The following CDH20 variants were observed in gnomAD, a reference collection of about 807,000 sequenced individuals.
The protein encoded by CDH20 is cadherin-20.
In CDH20, 29 loss-of-function variants were observed where a neutral mutation model predicts 74.2. That is an observed-to-expected ratio of 0.39 (90% confidence interval 0.29 to 0.53). CDH20 has a LOEUF of 0.53. Among genes scored for constraint, CDH20 ranks in the 20% least tolerant of loss-of-function variants. The pLI is 0.69. For synonymous variants in CDH20, 469 were observed against 405.4 expected, an observed-to-expected ratio of 1.16 and a Z score of -1.88; for missense variants, 988 against 1,048.3, an observed-to-expected ratio of 0.94 and a Z score of 0.79.
At chr18:61,526,046 A>G (rs1912390879) in intron 6 of CDH20, among the ~76,000 whole-genome samples, 2 of 144,062 alleles carry the variant, frequency 1.4e-5, no homozygotes, top group Non-Finnish European at 3.0e-5. Flanking sequence ...CTTGGCCTCA[A>G]GCGATTCTCC....
intron 1 of CDH20, among the ~76,000 whole-genome samples, chr18:61,417,654 A>C (rs1167363089): frequency 6.7e-6 from 1 of 149,768 alleles, no homozygotes; most frequent in East Asian, 2.0e-4. Context: ...AGAGGCTGGG[A>C]AGGGTAGTGT....
intron 6 of CDH20, among the ~76,000 whole-genome samples, chr18:61,522,381 G>A (rs1912243260): frequency 6.6e-6 from 1 of 152,102 alleles, no homozygotes; most frequent in South Asian, 2.1e-4. Context: ...CCTCTTCAAG[G>A]AGAACTGCAA....
intron 1 of CDH20, among the ~76,000 whole-genome samples, chr18:61,429,435 T>C (rs1442567295): frequency 2.6e-5 from 4 of 152,168 alleles, no homozygotes; most frequent in African/African-American, 9.7e-5. Flanking sequence ...TTTTCTGACC[T>C]TTCAGCTGTT....
chr18:61,462,864 C>T (rs993992800), intron 1 of CDH20, among the ~76,000 whole-genome samples: 5 of 152,074 alleles, frequency 3.3e-5, no homozygotes, highest in African/African-American at 1.2e-4. Context: ...AAAGGTTCCT[C>T]AGGGGAAGAG....
intron 1 of CDH20, among the ~76,000 whole-genome samples, chr18:61,385,723 G>C (rs140705315): frequency 1.3e-3 from 195 of 152,148 alleles, no homozygotes; most frequent in African/African-American, 4.3e-3. Flanking sequence ...ACAAGGTCAG[G>C]AGTTTGAGAC....
intron 1 of CDH20, among the ~76,000 whole-genome samples, chr18:61,372,383 A>T (rs1911073814): frequency 6.6e-6 from 1 of 152,126 alleles, no homozygotes; most frequent in South Asian, 2.1e-4. Context: ...CCTTATCAAT[A>T]AAAGAAAAAT....
chr18:61,356,828 A>G (rs1391918171), intron 1 of CDH20, among the ~76,000 whole-genome samples: 1 of 152,224 alleles, frequency 6.6e-6, no homozygotes, highest in Non-Finnish European at 1.5e-5. Flanking sequence ...AGGGAGACAG[A>G]GTACATAAAC....
chr18:61,408,761 T>C (rs1028966912), intron 1 of CDH20, among the ~76,000 whole-genome samples: 1 of 152,186 alleles, frequency 6.6e-6, no homozygotes, highest in Admixed American at 6.5e-5. Context: ...GTCCTCTTAA[T>C]TTAGCCAACT....
In CDH20 at chr18:61,507,531, T is replaced by A; in HGVS notation, c.988T>A (p.Phe330Ile). ...CTTTGACATTAGCACAGATCCCAAT[T>A]TCCAAGTTGGTATCATAACTGTGAA... is the stretch of plus-strand genomic sequence containing the variant. ...DAFDISTDPN[F>I]QVGIITVKKP... The change falls in exon 6 of 12, where the codon TTC becomes ATC. Residue 330 changes from phenylalanine (F) to isoleucine (I), a missense_variant. This residue lies in a region of CDH20 where 613 missense variants were observed against 755.2 expected (regional missense o/e 0.81). Transcript: ENST00000262717. 1.9e-6 allele frequency: 3 copies of A among 1,610,802 alleles called. No individual in the cohort carries two copies. The highest frequency in any genetic ancestry group is 1.1e-5 in the South Asian group (1 of 90,120).
In CDH20 at chr18:61,544,911, T is replaced by C. The variant is rs1913180945; in HGVS notation, c.1531-116T>C. The C allele has an allele frequency of 7.0e-6, 5 of 718,408 alleles. No individual in the cohort carries two copies. The South Asian group carries it at 7.9e-5, about 11-fold the overall frequency. 44.5% of individuals were successfully genotyped at this position (718,408 alleles called of 1,614,324 possible). On this transcript the variant is annotated intron_variant, in intron 9 of 11. Transcript: ENST00000262717. ...CCCTGCCCCTCTCCCATACCAATGATATCCTTCTCATAAGGTAAAACATCC... is the reference window on the plus strand; with the variant it reads ...CCCTGCCCCTCTCCCATACCAATGACATCCTTCTCATAAGGTAAAACATCC...
intron 11 of CDH20, among the ~76,000 whole-genome samples, chr18:61,550,903 T>C (rs1175519654): frequency 1.3e-5 from 2 of 152,232 alleles, no homozygotes; most frequent in Non-Finnish European, 2.9e-5. Context: ...AAGGAAGTGA[T>C]GGTGTGAACC....
Position 61,542,820 on chromosome 18 carries a change from G to C in CDH20, c.1531-2207G>C, listed in dbSNP as rs554769776. ...AACATGTGCAGATCACATGGTGAGA[G>C]GAAGCAAGGCAGGAGGGGAAGGTGC... On this transcript the variant is annotated intron_variant, in intron 9 of 11. Transcript: ENST00000262717. 5.9e-5 allele frequency among the ~76,000 whole-genome samples: 9 copies of C among 152,244 alleles called. No homozygotes were observed. In the East Asian group the frequency reaches 1.2e-3, roughly 20 times the overall value.
intron 5 of CDH20, among the ~76,000 whole-genome samples, chr18:61,505,473 C>T (rs1911532166): frequency 6.6e-6 from 1 of 151,552 alleles, no homozygotes. Context: ...ATAGCCAGAA[C>T]TACAGGTGCA....
intron 1 of CDH20, among the ~76,000 whole-genome samples, chr18:61,389,030 G>A (rs533301053): frequency 2.7e-4 from 41 of 152,198 alleles, no homozygotes; most frequent in African/African-American, 8.7e-4. Context: ...ATTTTGCTCC[G>A]AGAAGTTCCA....
chr18:61,440,584 TG>T (rs1908995352), intron 1 of CDH20, among the ~76,000 whole-genome samples: 1 of 152,222 alleles, frequency 6.6e-6, no homozygotes, highest in South Asian at 2.1e-4. Context: ...TTGACAGTTC[TG>T]GCCTCAGCTG....
At chr18:61,455,751 A>C (rs1410456206) in intron 1 of CDH20, among the ~76,000 whole-genome samples, 1 of 152,186 alleles carries the variant, frequency 6.6e-6, no homozygotes, top group Non-Finnish European at 1.5e-5. Context: ...TATTTGCCAG[A>C]TGTGGGAATA....
At chr18:61,491,147 G>A (rs948790140) in intron 2 of CDH20, among the ~76,000 whole-genome samples, 1 of 152,140 alleles carries the variant, frequency 6.6e-6, no homozygotes, top group Admixed American at 6.5e-5. Flanking sequence ...TACAAGAAGA[G>A]TACAGAGTTT....
At chr18:61,381,537 C>T (rs1353594880) in intron 1 of CDH20, among the ~76,000 whole-genome samples, 1 of 152,138 alleles carries the variant, frequency 6.6e-6, no homozygotes, top group Non-Finnish European at 1.5e-5. Flanking sequence ...CTCTAGTTGT[C>T]TGCAATAAAT....
At chr18:61,512,662 A>G (rs1007465253) in intron 6 of CDH20, among the ~76,000 whole-genome samples, 2 of 152,212 alleles carry the variant, frequency 1.3e-5, no homozygotes, top group African/African-American at 4.8e-5. Flanking sequence ...TAATATATTT[A>G]AAGACATTTT....
Sources: allele counts gnomAD v4.1 joint callset (sites outside exome capture counted in the v4.1 genomes callset), GRCh38; gene constraint gnomAD v4.1.1; regional missense constraint gnomAD v4.1.1; transcripts MANE v1.5; gene names NCBI Gene and HGNC (gene_info 2026-07-23, HGNC 2026-07-21).